The following TMEFF2 variants were observed in gnomAD, a reference collection of about 807,000 sequenced individuals.
TMEFF2 encodes transmembrane protein with EGF like and two follistatin like domains 2, also known as tomoregulin-2.
In TMEFF2, 28 loss-of-function variants were observed where a neutral mutation model predicts 53.8. The ratio of observed to expected loss-of-function variants is 0.52; its 90% CI spans 0.39 to 0.71. The LOEUF (loss-of-function observed/expected upper bound fraction) is 0.71, where lower values mean the gene tolerates loss of function less well. Ranked by LOEUF, TMEFF2 falls within the 30% of genes least tolerant of loss-of-function variation. The pLI is 0.00. For synonymous variants in TMEFF2, 162 were observed against 166.3 expected, an observed-to-expected ratio of 0.97 and a Z score of 0.20; for missense variants, 353 against 455.2, an observed-to-expected ratio of 0.78 and a Z score of 2.04.
Position 191,950,448 on chromosome 2 carries a change from T to C in TMEFF2, c.1029-41A>G, listed in dbSNP as rs560003207. 3.1e-6 allele frequency: 5 copies of C among 1,613,970 alleles called. No homozygotes were observed. The South Asian group carries it at 5.5e-5, about 18-fold the overall frequency. On this transcript the variant is annotated intron_variant, in intron 9 of 9. Coordinates refer to ENST00000272771, the MANE Select transcript of TMEFF2 (RefSeq NM_016192.4). ...GTTTACAAATCTCAGTCCAATGCTA[T>C]TACCTAAAGTTTGGCCCTACAATCA...
intron 4 of TMEFF2, among the ~76,000 whole-genome samples, chr2:192,075,155 G>A (rs115208418): frequency 0.013 from 2,032 of 150,656 alleles, 56 homozygotes; most frequent in African/African-American, 0.046. Context: ...GATGAATGTC[G>A]CTATAATGAA....
intron 9 of TMEFF2, 61 bp from the exon 10 acceptor site, chr2:191,950,468 C>G: frequency 6.2e-7 from 1 of 1,610,444 alleles, no homozygotes; most frequent in East Asian, 2.2e-5. Context: ...TTTGGCCCTA[C>G]AATCACAGAA....
At chr2:191,984,914 C>G (rs1211640340) in intron 7 of TMEFF2, among the ~76,000 whole-genome samples, 1 of 151,938 alleles carries the variant, frequency 6.6e-6, no homozygotes, top group Non-Finnish European at 1.5e-5. Flanking sequence ...TCCTTATCAT[C>G]TAATTTTTAA....
chr2:192,167,597 T>C (rs1230734033), intron 4 of TMEFF2, among the ~76,000 whole-genome samples: 1 of 152,170 alleles, frequency 6.6e-6, no homozygotes, highest in Non-Finnish European at 1.5e-5. Flanking sequence ...TTTGTTCTTT[T>C]ACCTTCTTTT....
chr2:192,113,461 CAAAGT>C (rs1689331399), intron 4 of TMEFF2, among the ~76,000 whole-genome samples: 1 of 151,934 alleles, frequency 6.6e-6, no homozygotes, highest in Non-Finnish European at 1.5e-5. Flanking sequence ...TATGGTTACG[CAAAGT>C]AAATAGATAG....
At chr2:191,990,436 T>TG (rs1553510906) in intron 7 of TMEFF2, among the ~76,000 whole-genome samples, 27 of 149,074 alleles carry the variant, frequency 1.8e-4, no homozygotes, top group African/African-American at 6.2e-4. Context: ...TGTGTGTGTG[T>TG]TGTTTTTGTT....
intron 5 of TMEFF2, among the ~76,000 whole-genome samples, chr2:192,010,696 G>C (rs1009697582): frequency 6.6e-6 from 1 of 152,164 alleles, no homozygotes; most frequent in Non-Finnish European, 1.5e-5. Flanking sequence ...ACAACAGAAG[G>C]AGGAAAACAA....
intron 4 of TMEFF2, among the ~76,000 whole-genome samples, chr2:192,173,217 T>TA (rs1167345217): frequency 6.6e-6 from 1 of 151,900 alleles, no homozygotes; most frequent in African/African-American, 2.4e-5. Flanking sequence ...CTTATCATGA[T>TA]ACATTGCATG....
chr2:192,049,460 A>G (rs1487855063), intron 5 of TMEFF2, among the ~76,000 whole-genome samples: 3 of 152,162 alleles, frequency 2.0e-5, no homozygotes, highest in Non-Finnish European at 4.4e-5. Flanking sequence ...TCACACTTTG[A>G]TAACTACAAT....
chr2:192,117,073 CA>C (rs1319993751), intron 4 of TMEFF2, among the ~76,000 whole-genome samples: 1 of 151,656 alleles, frequency 6.6e-6, no homozygotes, highest in Non-Finnish European at 1.5e-5. Flanking sequence ...TGTTTTTGAC[CA>C]ATTATTTTCT....
intron 4 of TMEFF2, among the ~76,000 whole-genome samples, chr2:192,153,054 T>G (rs1690425538): frequency 1.3e-5 from 2 of 151,564 alleles, no homozygotes; most frequent in Admixed American, 1.3e-4. Context: ...TCTTCAATGG[T>G]CAGTACAGAG....
At chr2:191,992,901 G>A (rs559294594) in intron 7 of TMEFF2, among the ~76,000 whole-genome samples, 15 of 152,012 alleles carry the variant, frequency 9.9e-5, no homozygotes, top group Non-Finnish European at 1.6e-4. Context: ...AATGGTTAAC[G>A]CTTAGGGTGC....
intron 1 of TMEFF2, 39 bp from the exon 2 acceptor site, chr2:192,192,028 T>C: frequency 7.2e-7 from 1 of 1,383,920 alleles, no homozygotes; most frequent in Non-Finnish European, 1.0e-6. Flanking sequence ...TTAAAACATC[T>C]TACAGATTTT....
intron 4 of TMEFF2, among the ~76,000 whole-genome samples, chr2:192,059,404 G>A (rs1045463229): frequency 6.6e-6 from 1 of 152,118 alleles, no homozygotes; most frequent in Non-Finnish European, 1.5e-5. Flanking sequence ...GGGATAAGAG[G>A]GAAGCTGGGG....
At chr2:192,089,941 C>G (rs1217244203) in intron 4 of TMEFF2, among the ~76,000 whole-genome samples, 1 of 152,142 alleles carries the variant, frequency 6.6e-6, no homozygotes, top group African/African-American at 2.4e-5. Flanking sequence ...GCATTGACTT[C>G]CCTATGTAAG....
chr2:191,980,357 G>A (rs1685826697), intron 7 of TMEFF2, among the ~76,000 whole-genome samples: 1 of 152,138 alleles, frequency 6.6e-6, no homozygotes, highest in Non-Finnish European at 1.5e-5. Flanking sequence ...ATCTTTGTGA[G>A]CACAGAAAAC....
chr2:192,181,686 G>A (rs562382959), intron 3 of TMEFF2, among the ~76,000 whole-genome samples: 1 of 151,822 alleles, frequency 6.6e-6, no homozygotes, highest in South Asian at 2.1e-4. Flanking sequence ...TCATCTACGA[G>A]TATTCTAATA....
intron 7 of TMEFF2, among the ~76,000 whole-genome samples, chr2:191,961,389 A>G (rs192625093): frequency 3.9e-5 from 6 of 152,086 alleles, no homozygotes; most frequent in African/African-American, 1.4e-4. Flanking sequence ...AAAAACAAAA[A>G]TTTTCAGTTT....
chr2:192,094,497 A>AGTGT (rs141812850), intron 4 of TMEFF2, among the ~76,000 whole-genome samples: 31 of 151,268 alleles, frequency 2.0e-4, no homozygotes, highest in East Asian at 1.9e-4. Flanking sequence ...TATTCTTAGC[A>AGTGT]GTGTGTGTGT....
Sources: allele counts gnomAD v4.1 joint callset (sites outside exome capture counted in the v4.1 genomes callset), GRCh38; gene constraint gnomAD v4.1.1; transcripts MANE v1.5; gene names NCBI Gene and HGNC (gene_info 2026-07-23, HGNC 2026-07-21).